Variants in NHS observed in about 807,000 individuals in gnomAD.
NHS encodes the protein actin remodeling regulator NHS.
In NHS, 5 loss-of-function variants were observed where a neutral mutation model predicts 72.5. That is an observed-to-expected ratio of 0.07 (90% CI 0.04 to 0.14). The LOEUF is 0.14. Ranked by LOEUF, NHS falls within the 10% of genes least tolerant of loss-of-function variation. NHS has a pLI of 1.00. For missense variants in NHS, 1,072 were observed against 1,355.7 expected (o/e 0.79, Z 3.29); for synonymous variants, 464 against 547.7 (o/e 0.85, Z 2.13).
intron 1 of NHS, among the ~76,000 whole-genome samples, chrX:17,647,242 T>C (rs899043943): frequency 8.9e-6 from 1 of 112,582 alleles, no homozygotes; most frequent in African/African-American, 3.2e-5. Context: ...ACGGCTTTTG[T>C]AGAAACTGGT....
chrX:17,695,950 G>T (rs867902062), intron 3 of NHS, among the ~76,000 whole-genome samples: 2 of 107,639 alleles, frequency 1.9e-5, no homozygotes, highest in Non-Finnish European at 3.9e-5. Flanking sequence ...AAAGGGGGGG[G>T]GTATCTATTC....
In NHS at chrX:17,375,664, C is replaced by T; in HGVS notation, c.-94C>T. On this transcript the variant is annotated 5_prime_UTR_variant, in exon 1 of 9. Coordinates refer to ENST00000676302, the MANE Select transcript of NHS (RefSeq NM_001291867.2). ...ACTGCCAGATCGCGCTTTTGCCGGA[C>T]TCCTGCCCCCTCCCTGCTCAGGTGG... The T allele has an allele frequency of 1.0e-6, 1 of 990,156 alleles. No homozygotes were observed. The highest frequency in any genetic ancestry group is 1.4e-6 in the Non-Finnish European group (1 of 727,446). 81.6% of individuals were successfully genotyped at this position (990,156 alleles called of 1,213,427 possible).
At chrX:17,666,470 C>T (rs1192729173) in intron 1 of NHS, among the ~76,000 whole-genome samples, 8 of 112,481 alleles carry the variant, frequency 7.1e-5, no homozygotes, top group Admixed American at 1.9e-4. Flanking sequence ...AAACTTATCA[C>T]ACTCTTAATA....
At chrX:17,723,010 A>AT (rs2066414958) in intron 5 of NHS, among the ~76,000 whole-genome samples, 3 of 112,152 alleles carry the variant, frequency 2.7e-5, no homozygotes, top group African/African-American at 9.7e-5. Flanking sequence ...TGATGTCCAC[A>AT]TAACACAAAA....
At chrX:17,462,829 A>C (rs746636716) in intron 1 of NHS, among the ~76,000 whole-genome samples, 4 of 112,077 alleles carry the variant, frequency 3.6e-5, no homozygotes, top group Non-Finnish European at 5.6e-5. Flanking sequence ...ATTTACAGAC[A>C]TGGGGGAGGG....
At position 17,725,908 on chromosome X, in the gene NHS, A is replaced by T. The variant is rs2066439461; in HGVS notation, c.1802A>T (p.Asp601Val). 8.3e-7 allele frequency: 1 copy of T among 1,209,394 alleles called. No individual in the cohort carries two copies. The highest frequency in any genetic ancestry group is 1.8e-5 in the African/African-American group (1 of 56,889). ...AGCTGTGACATCTCCTCCAACTCAG[A>T]CACGTTTGGGAGCCCCATCCACTGC... ...SGSCDISSNSDTFGSPIHCIS... is the reference protein window; with the variant it reads ...SGSCDISSNSVTFGSPIHCIS... Residue 601 changes from aspartate to valine, a missense_variant, in exon 7 of 9, where the codon GAC becomes GTC. Coordinates refer to ENST00000676302, the MANE Select transcript of NHS (RefSeq NM_001291867.2).
intron 1 of NHS, among the ~76,000 whole-genome samples, chrX:17,649,744 TAGATAC>T (rs752278100): frequency 1.8e-5 from 2 of 111,965 alleles, no homozygotes; most frequent in African/African-American, 3.3e-5. Flanking sequence ...GGCAGCCATA[TAGATAC>T]TAGCTTGGGT....
chrX:17,463,725 C>T (rs112844437), intron 1 of NHS, among the ~76,000 whole-genome samples: 1,499 of 111,847 alleles, frequency 0.013, 27 homozygotes, highest in African/African-American at 0.046. Context: ...TGTAAATGTA[C>T]TTAATATGTA....
intron 8 of NHS, among the ~76,000 whole-genome samples, chrX:17,730,948 CATTTAATT>C (rs1351719155): frequency 9.0e-6 from 1 of 110,696 alleles, no homozygotes; most frequent in African/African-American, 3.3e-5. Context: ...CTTAAAACGT[CATTTAATT>C]ATGTTTTTAT....
At chrX:17,675,814 T>A (rs1476919304) in intron 1 of NHS, among the ~76,000 whole-genome samples, 2 of 112,345 alleles carry the variant, frequency 1.8e-5, no homozygotes, top group Non-Finnish European at 3.8e-5. Context: ...GAAAAGAATG[T>A]CTTTTGGCTT....
intron 1 of NHS, among the ~76,000 whole-genome samples, chrX:17,599,458 G>T (rs1202557924): frequency 9.1e-6 from 1 of 110,451 alleles, no homozygotes; most frequent in Non-Finnish European, 1.9e-5. Flanking sequence ...AAGAAAAATA[G>T]ACTTTATTTT....
chrX:17,698,173 A>G (rs1479872677), intron 3 of NHS, among the ~76,000 whole-genome samples: 2 of 111,725 alleles, frequency 1.8e-5, no homozygotes, highest in African/African-American at 6.5e-5. Flanking sequence ...CACACACAAG[A>G]TTTTTATTTA....
chrX:17,486,681 AGT>A (rs2064968836), intron 1 of NHS, among the ~76,000 whole-genome samples: 1 of 112,120 alleles, frequency 8.9e-6, no homozygotes, highest in South Asian at 3.7e-4. Flanking sequence ...AAAAGCAATA[AGT>A]AGTAAAATAT....
chrX:17,656,434 G>A (rs1470381528), intron 1 of NHS, among the ~76,000 whole-genome samples: 1 of 112,009 alleles, frequency 8.9e-6, no homozygotes, highest in Non-Finnish European at 1.9e-5. Flanking sequence ...CTAATTTCTC[G>A]CACCTCTGGG....
chrX:17,441,654 TTTCC>T (rs746989423), intron 1 of NHS, among the ~76,000 whole-genome samples: 17 of 111,077 alleles, frequency 1.5e-4, no homozygotes, highest in Admixed American at 2.9e-4. Flanking sequence ...CCTTCCAGTT[TTTCC>T]TTCCTTCCTT....
chrX:17,687,858 C>A lies in NHS; in HGVS notation c.682C>A (p.Arg228Ser). 3 of 1,211,904 alleles carry A rather than the reference C, an allele frequency of 2.5e-6. No homozygotes were observed. In the East Asian group the frequency reaches 8.9e-5, roughly 36 times the overall value. ...GCCACCCTGCGTGGAGGAGCTGCAC[C>A]GCCACGCCCGGCAGAGCCTGCAAGC... ...TRPPCVEELH[R>S]HARQSLQALR... Residue 228 changes from arginine (R) to serine (S), a missense_variant, in exon 2 of 9, where the codon CGC becomes AGC. By Grantham distance (110) the Arg-to-Ser change is moderately radical (BLOSUM62 -1). Coordinates refer to ENST00000676302, the MANE Select transcript of NHS (RefSeq NM_001291867.2).
chrX:17,563,668 G>C (rs1425810598), intron 1 of NHS, among the ~76,000 whole-genome samples: 1 of 111,799 alleles, frequency 8.9e-6, no homozygotes, highest in Non-Finnish European at 1.9e-5. Flanking sequence ...AAGCCTCATA[G>C]GGTCGATCAG....
chrX:17,376,928 C>A (rs778790900), intron 1 of NHS, among the ~76,000 whole-genome samples: 50 of 113,180 alleles, frequency 4.4e-4, no homozygotes, highest in Admixed American at 6.4e-4. Context: ...GACTGAACTT[C>A]GTAGTGCTTC....
At chrX:17,593,244 C>T (rs1461460981) in intron 1 of NHS, among the ~76,000 whole-genome samples, 2 of 111,610 alleles carry the variant, frequency 1.8e-5, no homozygotes, top group Admixed American at 9.5e-5. Flanking sequence ...ATACAACACT[C>T]ACCTCCCAGA....
Sources: gnomAD v4.1 joint callset for allele counts (sites outside exome capture counted in the v4.1 genomes callset) on GRCh38, gnomAD v4.1.1 for gene constraint, MANE v1.5 for transcripts, NCBI Gene and HGNC (gene_info 2026-07-23, HGNC 2026-07-21) for gene names.